The following VWF variants were observed in gnomAD, a reference collection of about 807,000 sequenced individuals.
The protein encoded by VWF is von Willebrand factor, also known as Factor VIII related antigen.
Under a neutral mutation model 308.6 loss-of-function variants are expected in VWF, and 176 were observed. That is an observed-to-expected ratio of 0.57 (90% confidence interval 0.50 to 0.65). The LOEUF (loss-of-function observed/expected upper bound fraction) is 0.65. Ranked by LOEUF, VWF falls within the 30% of genes least tolerant of loss-of-function variation. VWF has a pLI of 0.00. For synonymous variants in VWF, 1,385 were observed against 1,443.4 expected (o/e 0.96, Z 0.92); for missense variants, 3,146 against 3,648.2 (o/e 0.86, Z 3.55).
chr12:6,022,070 C>G (rs765329029), intron 26 of VWF, 35 bp from the exon 27 acceptor site: 14 of 1,613,534 alleles, frequency 8.7e-6, no homozygotes, highest in Non-Finnish European at 1.2e-5. Flanking sequence ...AACCAAAACG[C>G]TCCCCTTTCC....
chr12:6,099,527 A>C (rs556739551), intron 5 of VWF, among the ~76,000 whole-genome samples: 10 of 152,262 alleles, frequency 6.6e-5, no homozygotes, highest in Non-Finnish European at 1.0e-4. Context: ...TGAGTTCACA[A>C]TCGAAAATTA....
chr12:6,061,162 C>T (rs1944650574), intron 13 of VWF, among the ~76,000 whole-genome samples: 1 of 152,176 alleles, frequency 6.6e-6, no homozygotes, highest in Non-Finnish European at 1.5e-5. Flanking sequence ...GATCGTGCCA[C>T]TGCCCTCCAG....
In VWF at chr12:6,110,520, A is replaced by G; in HGVS notation, c.386T>C (p.Leu129Pro). Residue 129 changes from leucine (L) to proline (P), a missense_variant, in exon 5 of 52, where the codon CTG (leucine) becomes CCG (proline). Around this residue, in one of 3 missense-constraint regions of VWF, gnomAD observed 1,304 missense variants for 1,353.0 expected, o/e 0.96. Coordinates refer to ENST00000261405, the MANE Select transcript of VWF (RefSeq NM_000552.5). The stretch of plus-strand genomic sequence containing the variant: ...CACAAAGCCATAGGCCTCACCGGAC[A>G]GCTTGTAGTACCCAGCCTCAGTTTC... The part of the protein sequence containing the change: ...YLETEAGYYK[L>P]SGEAYGFVAR... The G allele has an allele frequency of 6.2e-7, 1 of 1,614,196 alleles. No homozygotes were observed. The highest frequency in any genetic ancestry group is 8.5e-7 in the Non-Finnish European group (1 of 1,180,038).
At chr12:6,110,734 A>T in intron 4 of VWF, 132 bp downstream of exon 4, 1 of 1,299,580 alleles carries the variant, frequency 7.7e-7, no homozygotes, top group East Asian at 2.3e-5. Context: ...GCTGGCTCTC[A>T]CCCAGCCCTG....
At position 6,012,703 on chromosome 12, in the gene VWF, A is replaced by AT. The variant is rs148790795; in HGVS notation, c.5621-574dup. Reference sequence around the variant, plus strand: ...AAAGCGTGTGTGTGTGTGTGTGTGTATTTTTTTTTTTTTTTTGAGATGGAG... The same window carrying AT: ...AAAGCGTGTGTGTGTGTGTGTGTGTATTTTTTTTTTTTTTTTTGAGATGGAG... On this transcript the variant is annotated intron_variant, in intron 32 of 51. Coordinates refer to ENST00000261405, the MANE Select transcript of VWF (RefSeq NM_000552.5). 3.6e-3 allele frequency among the ~76,000 whole-genome samples: 465 copies of AT among 130,798 alleles called. 6 individuals carry two copies. Among genetic ancestry groups the AT allele is most frequent in the Middle Eastern group, 0.016 (4 of 248 alleles). The allele number at this position is 130,798 out of a possible 152,430, so 85.8% of individuals were successfully genotyped here. A position where few individuals can be genotyped will look rare whatever the true frequency, so the allele number is the denominator to read the frequency against.
chr12:6,052,506 T>C, intron 16 of VWF, 37 bp downstream of exon 16: 1 of 1,614,022 alleles, frequency 6.2e-7, no homozygotes, highest in Non-Finnish European at 8.5e-7. Flanking sequence ...CCAGCTCTGC[T>C]GTTTTAGAGG....
At position 6,052,650 on chromosome 12, in the gene VWF, G is replaced by A; in HGVS notation, c.2079C>T (p.Leu693=). ...CGCAGTCCCCCCTCTCATCCATGTA[G>A]AGCCCTGGGGGGCAGAAGCAGCCCT... is the stretch of plus-strand genomic sequence containing the variant. The part of the protein sequence containing the change: ...CLEGCFCPPG[L]YMDERGDCVP... Residue 693 remains leucine (L), a synonymous_variant, in exon 16 of 52, where the codon CTC becomes CTT. Transcript: ENST00000261405. The A allele has an allele frequency of 6.2e-7, 1 of 1,614,240 alleles. No individual in the cohort carries two copies. The highest frequency in any genetic ancestry group is 8.5e-7 in the Non-Finnish European group (1 of 1,180,048).
At chr12:6,027,425 A>G (rs1944207560) in intron 22 of VWF, among the ~76,000 whole-genome samples, 1 of 152,180 alleles carries the variant, frequency 6.6e-6, no homozygotes, top group South Asian at 2.1e-4. Context: ...GCTAGGATAT[A>G]ATCTGCACCA....
chr12:5,968,154 G>C lies in VWF; in HGVS notation c.7743C>G (p.Ala2581=). The C allele has an allele frequency of 1.2e-6, 2 of 1,614,112 alleles. No individual in the cohort carries two copies. Among genetic ancestry groups the C allele is most frequent in the Non-Finnish European group, 1.7e-6 (2 of 1,180,022 alleles). The change falls in exon 46 of 52, where the codon GCC becomes GCG. Residue 2581 remains alanine (A), a synonymous_variant. Coordinates refer to ENST00000261405, the MANE Select transcript of VWF (RefSeq NM_000552.5). ...CPSCRCERME[A]CMLNGTVIGP... is the part of the protein sequence containing the mutation. ...CAATGACAGTGCCATTGAGCATGCA[G>C]GCCTCCATGCGCTCTGGGGGAGAGA... is the stretch of plus-strand genomic sequence containing the variant.
chr12:5,951,563 G>T (rs1005231306), intron 50 of VWF, among the ~76,000 whole-genome samples: 2 of 152,218 alleles, frequency 1.3e-5, no homozygotes, highest in African/African-American at 2.4e-5. Context: ...TAAGAAGCTG[G>T]AGACAGGAGG....
chr12:6,075,280 C>A lies in VWF; in HGVS notation c.874+55G>T, dbSNP rs962797154. 9 of 1,610,308 alleles carry A rather than the reference C, an allele frequency of 5.6e-6. No homozygotes were observed. The African/African-American group carries it at 8.0e-5, about 14-fold the overall frequency. On this transcript the variant is annotated intron_variant, in intron 7 of 51. Transcript: ENST00000261405. The surrounding 1 kb of genome is among the most constrained non-coding windows in gnomAD (Gnocchi z 4.7). ...CCCGAAGCACCCTAAGGGACACCAC[C>A]CAGGACAGACCGTTCATCCCCGGCA... is the stretch of plus-strand genomic sequence containing the variant.
At position 6,016,851 on chromosome 12, in the gene VWF, G is replaced by A. The variant is rs549367616; in HGVS notation, c.5073C>T (p.Asp1691=). The A allele has an allele frequency of 6.0e-5, 97 of 1,614,050 alleles. No individual in the cohort carries two copies. Among genetic ancestry groups the A allele is most frequent in the East Asian group, 4.9e-4 (22 of 44,880 alleles). The change falls in exon 29 of 52, where the codon GAC becomes GAT. Residue 1691 remains aspartate, a synonymous_variant. Coordinates refer to ENST00000261405, the MANE Select transcript of VWF (RefSeq NM_000552.5). Reference sequence around the variant, plus strand: ...AGGAGCCATCCAGGAGAAGGATCACGTCCAGGGGCTGGCTGCAGTCTGCAA... The same window carrying A: ...AGGAGCCATCCAGGAGAAGGATCACATCCAGGGGCTGGCTGCAGTCTGCAA... ...SPAPDCSQPL[D]VILLLDGSSS...
chr12:6,110,180 G>A (rs1273298938), intron 5 of VWF, among the ~76,000 whole-genome samples, 194 bp downstream of exon 5: 1 of 152,150 alleles, frequency 6.6e-6, no homozygotes, highest in African/African-American at 2.4e-5. Flanking sequence ...CAGCTTTGAG[G>A]AGCTCTAAGA....
rs774903787 is a variant in VWF, at chr12:5,951,886, AAGAAAAC to A, written c.8116-10_8116-4del. 1 of 1,614,184 alleles carries A rather than the reference AAGAAAAC, an allele frequency of 6.2e-7. No individual in the cohort carries two copies. Among genetic ancestry groups the A allele is most frequent in the African/African-American group, 1.3e-5 (1 of 75,040 alleles). On this transcript the variant is annotated splice_region_variant and splice_polypyrimidine_tract_variant and intron_variant, in intron 49 of 51. Coordinates refer to ENST00000261405, the MANE Select transcript of VWF (RefSeq NM_000552.5). ...CCTGGAATTTTCATAATTTTACCCT[AAGAAAAC>A]AGCAAAATTTCAGGTTAGGCACAAA...
chr12:5,966,752 CCT>C (rs1943409486), intron 47 of VWF, among the ~76,000 whole-genome samples: 1 of 152,212 alleles, frequency 6.6e-6, no homozygotes, highest in Non-Finnish European at 1.5e-5. Flanking sequence ...ACAAGAGACT[CCT>C]CTGACCAATG....
At chr12:5,950,588 A>ATT (rs1217984775) in intron 50 of VWF, among the ~76,000 whole-genome samples, 1 of 152,046 alleles carries the variant, frequency 6.6e-6, no homozygotes, top group Non-Finnish European at 1.5e-5. Context: ...CTAACTACAT[A>ATT]TTAGTCTGCC....
intron 3 of VWF, among the ~76,000 whole-genome samples, chr12:6,113,620 T>C (rs1188131062): frequency 2.0e-5 from 3 of 152,204 alleles, no homozygotes; most frequent in African/African-American, 7.2e-5. Flanking sequence ...TTTTCAGTAA[T>C]GTATTTACCA....
chr12:6,010,267 C>A (rs1943979477), intron 34 of VWF, among the ~76,000 whole-genome samples: 2 of 152,128 alleles, frequency 1.3e-5, no homozygotes, highest in African/African-American at 2.4e-5. Flanking sequence ...TTCAAGTACA[C>A]TGAGATACTA....
intron 5 of VWF, among the ~76,000 whole-genome samples, chr12:6,103,951 A>G (rs185458865): frequency 3.3e-5 from 5 of 152,366 alleles, no homozygotes; most frequent in Non-Finnish European, 1.5e-5. Flanking sequence ...TCTGCACAGC[A>G]AAAGAAATCA....
Sources: gnomAD v4.1 joint callset for allele counts (sites outside exome capture counted in the v4.1 genomes callset) on GRCh38, gnomAD v4.1.1 for gene constraint, gnomAD v4.1.1 regional missense constraint, Gnocchi (gnomAD v3.1) non-coding constraint, MANE v1.5 for transcripts, NCBI Gene and HGNC (gene_info 2026-07-23, HGNC 2026-07-21) for gene names.